Variants in TTC13 observed in about 807,000 individuals in gnomAD.
TTC13 encodes the protein tetratricopeptide repeat protein 13.
Under a neutral mutation model 120.0 loss-of-function variants are expected in TTC13, and 62 were observed. The ratio of observed to expected loss-of-function variants is 0.52; its 90% CI spans 0.42 to 0.64. TTC13 has a LOEUF of 0.64. Ranked by LOEUF, TTC13 falls within the 30% of genes least tolerant of loss-of-function variation. The probability of loss-of-function intolerance (pLI) is 0.00; values close to 1 mark genes in which losing one functional copy is unlikely to be tolerated. For missense variants in TTC13, 824 were observed against 1,050.2 expected, an observed-to-expected ratio of 0.78 and a Z score of 2.98; for synonymous variants, 384 against 393.5, an observed-to-expected ratio of 0.98 and a Z score of 0.28.
At chr1:230,917,345 G>T (rs1672129837) in intron 17 of TTC13, among the ~76,000 whole-genome samples, 1 of 152,180 alleles carries the variant, frequency 6.6e-6, no homozygotes, top group South Asian at 2.1e-4. Flanking sequence ...AGCCAGCAGG[G>T]AAGCCGCAGA....
intron 19 of TTC13, 40 bp downstream of exon 19, chr1:230,912,583 C>A (rs1671610247): frequency 6.2e-7 from 1 of 1,600,314 alleles, no homozygotes; most frequent in Non-Finnish European, 8.5e-7. Context: ...ACAAAAGAAT[C>A]ATAGGAAGAG....
Position 230,978,172 on chromosome 1 carries a change from C to G in TTC13, c.271+388G>C, listed in dbSNP as rs1460733985. On this transcript the variant is annotated intron_variant, in intron 1 of 22. Transcript: ENST00000366661. The surrounding 1 kb of genome is among the most constrained non-coding windows in gnomAD (Gnocchi z 5.6). ...TCCGCAAGCCGCCGGGCTGGTTGCTCGTCCGCCCGCCCCTCCCTCGCCCCT... is the reference window on the plus strand; with the variant it reads ...TCCGCAAGCCGCCGGGCTGGTTGCTGGTCCGCCCGCCCCTCCCTCGCCCCT... Among the ~76,000 whole-genome samples, 1 of 152,130 alleles carries G rather than the reference C, an allele frequency of 6.6e-6. No individual in the cohort carries two copies. Among genetic ancestry groups the G allele is most frequent in the Non-Finnish European group, 1.5e-5 (1 of 67,976 alleles).
intron 17 of TTC13, among the ~76,000 whole-genome samples, chr1:230,918,528 C>T (rs943382541): frequency 4.6e-5 from 7 of 152,252 alleles, no homozygotes; most frequent in African/African-American, 1.7e-4. Context: ...GAGACATATT[C>T]TCTGTGAAGT....
At chr1:230,934,014 C>G (rs962717351) in intron 8 of TTC13, among the ~76,000 whole-genome samples, 153 bp from the exon 9 acceptor site, 2 of 152,122 alleles carry the variant, frequency 1.3e-5, no homozygotes, top group Non-Finnish European at 2.9e-5. Context: ...ATGCAATAAA[C>G]TATAAGTCAG....
chr1:230,978,665 TGAGCAGGGAGAGCGGC>T lies in TTC13; in HGVS notation c.150_165del (p.Pro51SerfsTer40). 1 of 1,484,120 alleles carries T rather than the reference TGAGCAGGGAGAGCGGC, an allele frequency of 6.7e-7. No individual in the cohort carries two copies. 91.9% of individuals were successfully genotyped at this position (1,484,120 alleles called of 1,614,324 possible). On this transcript the variant is annotated frameshift_variant, in exon 1 of 23. Coordinates refer to ENST00000366661, the MANE Select transcript of TTC13 (RefSeq NM_024525.5). LOFTEE classifies it high-confidence loss of function. This position sits in a 1 kb window ranked among gnomAD's most constrained non-coding sequence, Gnocchi z 5.6. ...TGCTGCCGGTGCTGCAGCTCCTGCTTGAGCAGGGAGAGCGGCGAGTAGTGCTCGGTGGCCAGGGCGC... is the reference window on the plus strand; with the variant it reads ...TGCTGCCGGTGCTGCAGCTCCTGCTTGAGTAGTGCTCGGTGGCCAGGGCGC...
intron 3 of TTC13, among the ~76,000 whole-genome samples, chr1:230,957,360 A>T (rs1676191133): frequency 6.6e-6 from 1 of 152,168 alleles, no homozygotes; most frequent in African/African-American, 2.4e-5. Context: ...AGATCATTCG[A>T]GCCTAGTTTA....
chr1:230,923,775 C>T, intron 15 of TTC13, 66 bp downstream of exon 15: 1 of 1,372,248 alleles, frequency 7.3e-7, no homozygotes, highest in Non-Finnish European at 1.0e-6. Flanking sequence ...CACTCCTGGT[C>T]TCCATGGCCT....
chr1:230,908,686 T>C, intron 22 of TTC13, 26 bp downstream of exon 22: 1 of 1,603,364 alleles, frequency 6.2e-7, no homozygotes, highest in Non-Finnish European at 8.5e-7. Flanking sequence ...ATGATACCCT[T>C]GTGTGGACCC....
intron 8 of TTC13, among the ~76,000 whole-genome samples, chr1:230,934,246 A>G (rs1240247289): frequency 6.6e-6 from 1 of 152,228 alleles, no homozygotes; most frequent in Non-Finnish European, 1.5e-5. Flanking sequence ...TGTGTGAAAT[A>G]ATTTAAAATG....
chr1:230,956,742 A>G (rs1349124650), intron 3 of TTC13, among the ~76,000 whole-genome samples: 1 of 152,230 alleles, frequency 6.6e-6, no homozygotes, highest in African/African-American at 2.4e-5. Context: ...AAAAAAACGC[A>G]GAAGTATCCA....
At chr1:230,973,985 G>T (rs112130365) in intron 1 of TTC13, among the ~76,000 whole-genome samples, 1 of 151,454 alleles carries the variant, frequency 6.6e-6, no homozygotes, top group Non-Finnish European at 1.5e-5. Flanking sequence ...GCTGAGGCAG[G>T]AGAATCACTT....
chr1:230,930,387 C>A (rs976223947), intron 11 of TTC13, among the ~76,000 whole-genome samples: 32 of 152,054 alleles, frequency 2.1e-4, no homozygotes, highest in Admixed American at 2.0e-3. Flanking sequence ...ACACACACAG[C>A]TTTCCCCTTT....
intron 19 of TTC13, 144 bp downstream of exon 19, chr1:230,912,479 C>A: frequency 1.1e-6 from 1 of 903,632 alleles, no homozygotes; most frequent in Non-Finnish European, 1.7e-6. Context: ...GAATTTTTGC[C>A]TATAAGAAAT....
intron 17 of TTC13, among the ~76,000 whole-genome samples, chr1:230,918,586 T>C (rs1572187162): frequency 6.6e-6 from 1 of 152,298 alleles, no homozygotes; most frequent in East Asian, 1.9e-4. Context: ...TCTGAACATG[T>C]TTACTGAGTC....
At chr1:230,936,918 C>T (rs191043937) in intron 8 of TTC13, among the ~76,000 whole-genome samples, 3 of 152,310 alleles carry the variant, frequency 2.0e-5, no homozygotes, top group African/African-American at 7.2e-5. Context: ...CCTTCTATAC[C>T]TCATGGAGAT....
In TTC13 at chr1:230,906,709, T is replaced by C. The variant is rs1046497211; in HGVS notation, c.*196A>G. ...GCTTTCCCTCCAAGTCAAGTAGCTTTTTCCCCCCGAAAGCCTCTTTCATGA... is the reference window on the plus strand; with the variant it reads ...GCTTTCCCTCCAAGTCAAGTAGCTTCTTCCCCCCGAAAGCCTCTTTCATGA... On this transcript the variant is annotated 3_prime_UTR_variant, in exon 23 of 23. Coordinates refer to ENST00000366661, the MANE Select transcript of TTC13 (RefSeq NM_024525.5). 3.1e-6 allele frequency: 1 copy of C among 317,748 alleles called. No individual in the cohort carries two copies. 19.7% of individuals were successfully genotyped at this position (317,748 alleles called of 1,614,324 possible).
chr1:230,929,203 T>A, intron 11 of TTC13, 110 bp from the exon 12 acceptor site: 1 of 1,174,594 alleles, frequency 8.5e-7, no homozygotes. Context: ...ATTATAAGAA[T>A]TCTAAAGAGT....
intron 2 of TTC13, among the ~76,000 whole-genome samples, chr1:230,960,709 TAG>T (rs1366423154): frequency 6.6e-6 from 1 of 152,084 alleles, no homozygotes; most frequent in African/African-American, 2.4e-5. Flanking sequence ...ATCAGCTTCA[TAG>T]AGTTAAGTGT....
intron 1 of TTC13, among the ~76,000 whole-genome samples, chr1:230,969,912 C>G (rs532007257): frequency 9.2e-5 from 14 of 152,308 alleles, no homozygotes; most frequent in African/African-American, 3.4e-4. Context: ...TATCTGCTTT[C>G]TTTAAGCTTA....
Sources: allele counts gnomAD v4.1 joint callset (sites outside exome capture counted in the v4.1 genomes callset), GRCh38; gene constraint gnomAD v4.1.1; non-coding constraint Gnocchi (gnomAD v3.1); transcripts MANE v1.5; gene names NCBI Gene and HGNC (gene_info 2026-07-23, HGNC 2026-07-21).